Variants in KAZN observed in about 807,000 individuals in gnomAD.
The protein encoded by KAZN is kazrin, periplakin interacting protein.
In KAZN, 40 loss-of-function variants were observed where a neutral mutation model predicts 87.4. The ratio of observed to expected loss-of-function variants is 0.46; its 90% CI spans 0.36 to 0.60. The LOEUF (loss-of-function observed/expected upper bound fraction) is 0.60. KAZN is among the 20% of genes least tolerant of loss of function. The pLI, the probability that KAZN is intolerant of heterozygous loss-of-function variation, is 0.00. For synonymous variants in KAZN, 466 were observed against 458.3 expected (o/e 1.02, Z -0.22); for missense variants, 898 against 1,073.9 (o/e 0.84, Z 2.29).
intron 1 of KAZN, among the ~76,000 whole-genome samples, chr1:14,721,491 G>A (rs1253047349): frequency 6.6e-6 from 1 of 152,226 alleles, no homozygotes; most frequent in Non-Finnish European, 1.5e-5. Flanking sequence ...CATGAGAACA[G>A]ACGAATAGAC....
chr1:15,028,482 A>C (rs774378970), intron 2 of KAZN, among the ~76,000 whole-genome samples: 31 of 152,236 alleles, frequency 2.0e-4, no homozygotes, highest in Non-Finnish European at 4.0e-4. Context: ...CAGGTTTTGA[A>C]GGAGAGAAAA....
At chr1:14,834,448 G>T (rs866464028) in intron 1 of KAZN, among the ~76,000 whole-genome samples, 1 of 141,902 alleles carries the variant, frequency 7.0e-6, no homozygotes, top group Non-Finnish European at 1.5e-5. Flanking sequence ...TGCAAGCTCC[G>T]CCTCTGGGGT....
At chr1:14,670,983 G>A (rs1051710761) in intron 1 of KAZN, among the ~76,000 whole-genome samples, 7 of 152,190 alleles carry the variant, frequency 4.6e-5, no homozygotes, top group African/African-American at 1.7e-4. Flanking sequence ...CATAGATGAT[G>A]TCAAACATCC....
chr1:14,048,051 C>T (rs892179082), intron 1 of KAZN, among the ~76,000 whole-genome samples: 1 of 152,178 alleles, frequency 6.6e-6, no homozygotes, highest in Admixed American at 6.5e-5. Flanking sequence ...CTGGAGCCAA[C>T]TCTTCCACTC....
intron 2 of KAZN, among the ~76,000 whole-genome samples, chr1:14,299,876 G>T (rs957244160): frequency 6.6e-6 from 1 of 152,210 alleles, no homozygotes; most frequent in African/African-American, 2.4e-5. Context: ...ACAGGGAAAG[G>T]AGAGAAAATA....
In KAZN at chr1:15,112,147, G is replaced by A. The variant is rs140454621; in HGVS notation, c.2049-280G>A. The A allele has an allele frequency of 1.6e-3, 783 of 484,870 alleles. 4 individuals are homozygous for A. Among genetic ancestry groups the A allele is most frequent in the Middle Eastern group, 2.8e-3 (5 of 1,756 alleles). 30.0% of individuals were successfully genotyped at this position (484,870 alleles called of 1,614,324 possible). ...CCTGAGTTCAGATCTTGATTCTGCC[G>A]CTAACAGCTGTGTCGTCTTGGGCAA... On this transcript the variant is annotated intron_variant, in intron 13 of 14. Transcript: ENST00000376030.
chr1:14,744,348 T>C (rs1263382814), intron 1 of KAZN, among the ~76,000 whole-genome samples: 1 of 152,166 alleles, frequency 6.6e-6, no homozygotes, highest in Non-Finnish European at 1.5e-5. Flanking sequence ...TCCAGTGAGG[T>C]TAGGTGGCCT....
chr1:14,371,079 T>C (rs1660441458), intron 2 of KAZN, among the ~76,000 whole-genome samples: 1 of 152,260 alleles, frequency 6.6e-6, no homozygotes, highest in South Asian at 2.1e-4. Flanking sequence ...GCCTCTAGCA[T>C]AGTTGTTCTC....
chr1:14,676,364 C>T (rs1640218941), intron 1 of KAZN, among the ~76,000 whole-genome samples: 1 of 152,212 alleles, frequency 6.6e-6, no homozygotes, highest in Non-Finnish European at 1.5e-5. Context: ...GGAGGATCGA[C>T]TTTGATTCCC....
chr1:14,323,492 T>C (rs1656193250), intron 2 of KAZN, among the ~76,000 whole-genome samples: 2 of 152,152 alleles, frequency 1.3e-5, no homozygotes, highest in Non-Finnish European at 2.9e-5. Context: ...CTCTGGGTGA[T>C]GTGGGATAGT....
At chr1:13,973,744 C>T (rs960451201) in intron 1 of KAZN, among the ~76,000 whole-genome samples, 5 of 152,154 alleles carry the variant, frequency 3.3e-5, no homozygotes, top group African/African-American at 1.2e-4. Flanking sequence ...TGTTAACATC[C>T]CCATTTTACA....
chr1:14,086,029 T>C (rs1025442453), intron 1 of KAZN, among the ~76,000 whole-genome samples: 2 of 152,218 alleles, frequency 1.3e-5, no homozygotes, highest in African/African-American at 4.8e-5. Context: ...CATATTCTTA[T>C]TTGCCATCCT....
intron 2 of KAZN, among the ~76,000 whole-genome samples, chr1:14,977,659 G>T (rs989202270): frequency 6.6e-6 from 1 of 152,218 alleles, no homozygotes; most frequent in African/African-American, 2.4e-5. Context: ...TGTAGTTCGG[G>T]TGACTGCAGA....
Position 14,396,900 on chromosome 1 carries a change from G to GTT in KAZN, c.250-202072_250-202071dup, listed in dbSNP as rs33945798. Among the ~76,000 whole-genome samples the GTT allele has an allele frequency of 3.0e-4, 45 of 149,942 alleles. 1 individual carries two copies. The highest frequency in any genetic ancestry group is 8.4e-4 in the South Asian group (4 of 4,746). Reference sequence around the variant, plus strand: ...AGATTCCATTTTCTCTGCTCTATGAGTTTTTTTTTTTTACTTAGAACAAGA... The same window carrying GTT: ...AGATTCCATTTTCTCTGCTCTATGAGTTTTTTTTTTTTTTACTTAGAACAAGA... On this transcript the variant is annotated intron_variant, in intron 2 of 16. Coordinates refer to the KAZN transcript ENST00000636203.
At chr1:14,797,736 C>A (rs188143379) in intron 1 of KAZN, among the ~76,000 whole-genome samples, 2 of 152,132 alleles carry the variant, frequency 1.3e-5, no homozygotes, top group East Asian at 3.9e-4. Context: ...GGACTAGTTA[C>A]GGGGCCCCAG....
intron 2 of KAZN, among the ~76,000 whole-genome samples, chr1:14,431,980 C>T (rs1282467356): frequency 3.3e-5 from 5 of 152,126 alleles, no homozygotes; most frequent in Non-Finnish European, 7.4e-5. Context: ...TACCTGTGTC[C>T]TGTTGGTTCT....
intron 1 of KAZN, among the ~76,000 whole-genome samples, chr1:14,077,050 T>C (rs900115513): frequency 3.9e-5 from 6 of 152,164 alleles, no homozygotes; most frequent in African/African-American, 1.4e-4. Context: ...TACTTCCTGA[T>C]TGCTCTTCAT....
At chr1:14,452,956 T>A (rs1181137074) in intron 2 of KAZN, among the ~76,000 whole-genome samples, 1 of 152,140 alleles carries the variant, frequency 6.6e-6, no homozygotes. Flanking sequence ...TCTTTTGTTG[T>A]TGCTGTTGTT....
chr1:14,764,372 A>ACCCCCCCCCCC (rs1557465552), intron 1 of KAZN, among the ~76,000 whole-genome samples: 11 of 81,178 alleles, frequency 1.4e-4, no homozygotes, highest in South Asian at 4.2e-4. Flanking sequence ...ACCACTCCCG[A>ACCCCCCCCCCC]CCCCCTCCCC....
Sources: gnomAD v4.1 joint callset for allele counts (sites outside exome capture counted in the v4.1 genomes callset) on GRCh38, gnomAD v4.1.1 for gene constraint, MANE v1.5 for transcripts, NCBI Gene and HGNC (gene_info 2026-07-23, HGNC 2026-07-21) for gene names.